ZNF347: variants seen among roughly 807,000 people sequenced by gnomAD.
The protein encoded by ZNF347 is zinc finger protein 347.
In ZNF347, 19 loss-of-function variants were observed where a neutral mutation model predicts 12.9. The ratio of observed to expected loss-of-function variants is 1.47; its 90% CI spans 1.03 to 2.16. ZNF347 has a LOEUF of 2.16. Ranked by LOEUF, ZNF347 falls within the 30% of genes most tolerant of loss-of-function variation. The pLI, the probability that ZNF347 is intolerant of heterozygous loss-of-function variation, is 0.00. For synonymous variants in ZNF347, 328 were observed against 340.6 expected (o/e 0.96, Z 0.41); for missense variants, 1,005 against 990.6 (o/e 1.01, Z -0.19).
intron 4 of ZNF347, among the ~76,000 whole-genome samples, chr19:53,143,981 A>G (rs1432457127): frequency 6.6e-6 from 1 of 152,214 alleles, no homozygotes; most frequent in African/African-American, 2.4e-5. Flanking sequence ...CCTGTAATAG[A>G]CATATTAATA....
rs1395444233 is a variant in ZNF347, at chr19:53,140,059, CCTAG to C, written c.*245_*248del. On this transcript the variant is annotated 3_prime_UTR_variant, in exon 5 of 5. Coordinates refer to ENST00000334197, the MANE Select transcript of ZNF347 (RefSeq NM_032584.3). ...GGGATTACAGGCGCACGCCACCAGG[CCTAG>C]CTAATTGTGTACTTTTAGTAGAAAT... 1.5e-5 allele frequency: 6 copies of C among 397,902 alleles called. No homozygotes were observed. In the East Asian group the frequency reaches 2.6e-4, roughly 17 times the overall value. 24.6% of individuals were successfully genotyped at this position (397,902 alleles called of 1,614,324 possible). A position where few individuals can be genotyped will look rare whatever the true frequency, so the allele number is the denominator to read the frequency against.
rs1813428 is a variant in ZNF347, at chr19:53,137,931, T to C, written c.*2377A>G. ...CTCCTGCCTCAGCCTCCCGAGTAGC[T>C]GGGATTACAGGCGCATGCCACCACA... On this transcript the variant is annotated 3_prime_UTR_variant, in exon 5 of 5. Transcript: ENST00000334197. 0.084 allele frequency: 12,821 copies of C among 151,966 alleles called. 631 individuals are homozygous for C. Among genetic ancestry groups the C allele is most frequent in the African/African-American group, 0.11 (4,657 of 41,406 alleles). 9.4% of individuals were successfully genotyped at this position (151,966 alleles called of 1,614,324 possible).
Position 53,148,805 on chromosome 19 carries a change from G to C in ZNF347, c.147C>G (p.Ile49Met). 5 of 1,612,864 alleles carry C rather than the reference G, an allele frequency of 3.1e-6. No individual in the cohort carries two copies. Among genetic ancestry groups the C allele is most frequent in the Non-Finnish European group, 4.2e-6 (5 of 1,179,524 alleles). ...AGATAATACTGAGGTCAAAACAAGA[G>C]ATTCCTGCTTATGAAAAGAAAGGAA... is the stretch of plus-strand genomic sequence containing the variant. ...ENYRNLASLGISCFDLSIISM... is the reference protein window; with the variant it reads ...ENYRNLASLGMSCFDLSIISM... The change falls in exon 4 of 5, where the codon ATC becomes ATG. Residue 49 changes from isoleucine to methionine, a missense_variant. Coordinates refer to ENST00000334197, the MANE Select transcript of ZNF347 (RefSeq NM_032584.3).
chr19:53,155,440 C>A (rs1345412951), intron 1 of ZNF347, among the ~76,000 whole-genome samples: 4 of 151,928 alleles, frequency 2.6e-5, no homozygotes, highest in Non-Finnish European at 5.9e-5. Flanking sequence ...TCAAGCGATT[C>A]TCTCACCTCA....
intron 2 of ZNF347, among the ~76,000 whole-genome samples, chr19:53,150,708 C>T (rs1471889096): frequency 6.6e-6 from 1 of 152,116 alleles, no homozygotes; most frequent in African/African-American, 2.4e-5. Context: ...GAGCACTTCC[C>T]AAGTGCAAGG....
chr19:53,146,749 A>C (rs1423730899), intron 4 of ZNF347, among the ~76,000 whole-genome samples: 1 of 152,186 alleles, frequency 6.6e-6, no homozygotes, highest in African/African-American at 2.4e-5. Context: ...GAACAACTAC[A>C]TACAAATTTA....
At chr19:53,148,926 A>G in intron 3 of ZNF347, 117 bp from the exon 4 acceptor site, 1 of 1,346,456 alleles carries the variant, frequency 7.4e-7, no homozygotes, top group African/African-American at 1.5e-5. Flanking sequence ...TCAAAAATTC[A>G]TCCACTAAAT....
At position 53,144,027 on chromosome 19, in the gene ZNF347, G is replaced by T. The variant is rs552022466; in HGVS notation, c.272-1471C>A. Among the ~76,000 whole-genome samples the T allele has an allele frequency of 1.8e-3, 276 of 152,174 alleles. 2 individuals carry two copies. Among genetic ancestry groups the T allele is most frequent in the Non-Finnish European group, 3.6e-3 (242 of 67,990 alleles). On this transcript the variant is annotated intron_variant, in intron 4 of 4. Transcript: ENST00000334197. ...ATGAATTAAAACATACTGCCGTTTT[G>T]TTACTTCTTTTCTAATTGTTTTCTA...
At position 53,155,471 on chromosome 19, in the gene ZNF347, C is replaced by T. The variant is rs145462269; in HGVS notation, c.-46-1678G>A. Among the ~76,000 whole-genome samples the T allele has an allele frequency of 2.0e-3, 301 of 151,670 alleles. 1 individual carries two copies. The highest frequency in any genetic ancestry group is 7.0e-3 in the African/African-American group (289 of 41,382). ...CCTCAGCCTTGCAAGTAGCTGGGAG[C>T]GCAGGTGCAAGCCACCACATCCAGC... On this transcript the variant is annotated intron_variant, in intron 1 of 4. Coordinates refer to ENST00000334197, the MANE Select transcript of ZNF347 (RefSeq NM_032584.3).
At chr19:53,155,937 T>C (rs892390467) in intron 1 of ZNF347, among the ~76,000 whole-genome samples, 2 of 150,722 alleles carry the variant, frequency 1.3e-5, no homozygotes, top group African/African-American at 2.5e-5. Flanking sequence ...AAAACCCAAC[T>C]CTACATTCTG....
chr19:53,152,340 C>T (rs937074142), intron 2 of ZNF347, among the ~76,000 whole-genome samples: 1 of 152,126 alleles, frequency 6.6e-6, no homozygotes, highest in African/African-American at 2.4e-5. Flanking sequence ...GGCATGGTGG[C>T]TCACGCCTGT....
rs576449252 is a variant in ZNF347 at position 53,157,521 on chromosome 19, T to C, written c.-47+1488A>G. Among the ~76,000 whole-genome samples, 173 of 152,224 alleles carry C rather than the reference T, an allele frequency of 1.1e-3. 1 individual carries two copies. Among genetic ancestry groups the C allele is most frequent in the Non-Finnish European group, 2.0e-3 (133 of 68,030 alleles). On this transcript the variant is annotated intron_variant, in intron 1 of 4. Coordinates refer to ENST00000334197, the MANE Select transcript of ZNF347 (RefSeq NM_032584.3). ...TCTTCCTCCGCTTGCACCTGTTCTG[T>C]CCCATTCTGGGGCCTTGTTTCAACT...
Position 53,140,201 on chromosome 19 carries a change from G to A in ZNF347, c.*107C>T. On this transcript the variant is annotated 3_prime_UTR_variant, in exon 5 of 5. Transcript: ENST00000334197. ...AGGCATGAGCCACTGCACCCAGCCA[G>A]TCATTGCATTTTCAAGGAATCTCTC... The A allele has an allele frequency of 8.6e-7, 1 of 1,162,862 alleles. No homozygotes were observed. The highest frequency in any genetic ancestry group is 1.2e-6 in the Non-Finnish European group (1 of 820,248). 72.0% of individuals were successfully genotyped at this position (1,162,862 alleles called of 1,614,324 possible).
rs2090381896 is a variant in ZNF347, at chr19:53,135,339, T to TATATAGAGAGAGAGAGAG, written c.*4968_*4969insCTCTCTCTCTCTCTATAT. Reference sequence around the variant, plus strand: ...ATATATATATATATATATATATATATAGAGAGAGAGAGAGAGAGAGAGAGA... The same window carrying TATATAGAGAGAGAGAGAG: ...ATATATATATATATATATATATATATATATAGAGAGAGAGAGAGAGAGAGAGAGAGAGAGAGAGAGAGA... On this transcript the variant is annotated 3_prime_UTR_variant, in exon 5 of 5. Coordinates refer to ENST00000334197, the MANE Select transcript of ZNF347 (RefSeq NM_032584.3). The TATATAGAGAGAGAGAGAG allele has an allele frequency of 3.5e-5, 3 of 85,250 alleles. No homozygotes were observed. The highest frequency in any genetic ancestry group is 1.7e-4 in the African/African-American group (3 of 17,182). 5.3% of individuals were successfully genotyped at this position (85,250 alleles called of 1,614,324 possible).
intron 2 of ZNF347, among the ~76,000 whole-genome samples, chr19:53,152,067 T>C (rs2090501806): frequency 8.5e-6 from 1 of 117,098 alleles, no homozygotes; most frequent in Admixed American, 1.1e-4. Context: ...CACTCCAGCC[T>C]GGGTGACAGA....
At position 53,135,325 on chromosome 19, in the gene ZNF347, TATATATATATATATAGAGAGAGAG is replaced by T. The variant is rs1363521819; in HGVS notation, c.*4959_*4982del. 2 of 45,914 alleles carry T rather than the reference TATATATATATATATAGAGAGAGAG, an allele frequency of 4.4e-5. No individual in the cohort carries two copies. The highest frequency in any genetic ancestry group is 7.2e-5 in the African/African-American group (1 of 13,840). 2.8% of individuals were successfully genotyped at this position (45,914 alleles called of 1,614,324 possible). A position where few individuals can be genotyped will look rare whatever the true frequency, so the allele number is the denominator to read the frequency against. ...ATATATATATATATATATATATATA[TATATATATATATATAGAGAGAGAG>T]AGAGAGAGAGAGAGAGAGAAAGAGA... is the stretch of plus-strand genomic sequence containing the variant. On this transcript the variant is annotated 3_prime_UTR_variant, in exon 5 of 5. Transcript: ENST00000334197.
At position 53,137,541 on chromosome 19, in the gene ZNF347, T is replaced by G. The variant is rs1055180073; in HGVS notation, c.*2767A>C. On this transcript the variant is annotated 3_prime_UTR_variant, in exon 5 of 5. Transcript: ENST00000334197. ...ATGCAATACACATTTCCCTAAAACTTCATTGTTCAGCATCCTCATTTTCCA... is the reference window on the plus strand; with the variant it reads ...ATGCAATACACATTTCCCTAAAACTGCATTGTTCAGCATCCTCATTTTCCA... The G allele has an allele frequency of 9.2e-5, 14 of 152,330 alleles. No individual in the cohort carries two copies. The highest frequency in any genetic ancestry group is 9.1e-4 in the Admixed American group (14 of 15,308). 9.4% of individuals were successfully genotyped at this position (152,330 alleles called of 1,614,324 possible). A position where few individuals can be genotyped will look rare whatever the true frequency, so the allele number is the denominator to read the frequency against.
Position 53,141,216 on chromosome 19 carries a change from C to T in ZNF347, c.1612G>A (p.Val538Met). The stretch of plus-strand genomic sequence containing the variant: ...CACTCATTACACATATAAGGCTTCA[C>T]TCCAGTATGAATTCTTTGATGATTT... ...LANHQRIHTG[V>M]KPYMCNECGK... The change falls in exon 5 of 5, where the codon GTG becomes ATG. Residue 538 changes from valine (V) to methionine (M), a missense_variant. Val to Met is a conservative substitution (Grantham distance 21, BLOSUM62 1). Coordinates refer to ENST00000334197, the MANE Select transcript of ZNF347 (RefSeq NM_032584.3). 5.6e-6 allele frequency: 9 copies of T among 1,608,434 alleles called. No homozygotes were observed. The highest frequency in any genetic ancestry group is 7.7e-6 in the Non-Finnish European group (9 of 1,175,756).
At chr19:53,148,975 A>G (rs1599857625) in intron 3 of ZNF347, 166 bp from the exon 4 acceptor site, 2 of 1,096,954 alleles carry the variant, frequency 1.8e-6, no homozygotes, top group Non-Finnish European at 2.5e-6. Flanking sequence ...ATAATATGCA[A>G]ATATATAGCT....
Sources: gnomAD v4.1 joint callset for allele counts (sites outside exome capture counted in the v4.1 genomes callset) on GRCh38, gnomAD v4.1.1 for gene constraint, MANE v1.5 for transcripts, NCBI Gene and HGNC (gene_info 2026-07-23, HGNC 2026-07-21) for gene names.